ZNF280D: variants seen among roughly 807,000 people sequenced by gnomAD.
ZNF280D encodes the protein zinc finger protein 280D, also known as suppressor of hairy wing homolog 4.
A neutral mutation model predicts 94.7 loss-of-function variants in ZNF280D; 39 were observed. The ratio of observed to expected loss-of-function variants is 0.41; its 90% CI spans 0.32 to 0.54. The LOEUF is 0.54. Among genes scored for constraint, ZNF280D ranks in the 20% least tolerant of loss-of-function variants. The pLI is 0.22. For synonymous variants in ZNF280D, 398 were observed against 377.6 expected (o/e 1.05, Z -0.63); for missense variants, 1,090 against 1,149.3 (o/e 0.95, Z 0.75).
chr15:56,630,509 G>A lies in ZNF280D; in HGVS notation c.*989C>T, dbSNP rs534745980. On this transcript the variant is annotated 3_prime_UTR_variant, in exon 22 of 22. Coordinates refer to ENST00000267807, the MANE Select transcript of ZNF280D (RefSeq NM_017661.4). The stretch of plus-strand genomic sequence containing the variant: ...ATCACTGTTTTAGGTCCCATTTGAA[G>A]TTTTTATTTTACAATTACAGAAAAG... 14 of 152,146 alleles carry A rather than the reference G, an allele frequency of 9.2e-5. No individual in the cohort carries two copies. Among genetic ancestry groups the A allele is most frequent in the Admixed American group, 7.9e-4 (12 of 15,284 alleles). The allele number at this position is 152,146 out of a possible 1,614,324, so 9.4% of individuals were successfully genotyped here.
At chr15:56,647,187 G>A (rs1190891233) in intron 19 of ZNF280D, among the ~76,000 whole-genome samples, 1 of 152,204 alleles carries the variant, frequency 6.6e-6, no homozygotes, top group Admixed American at 6.5e-5. Flanking sequence ...CCAGTTAAGA[G>A]ACAGTTAATG....
intron 1 of ZNF280D, among the ~76,000 whole-genome samples, chr15:56,720,052 A>G (rs2058270125): frequency 6.6e-6 from 1 of 152,154 alleles, no homozygotes; most frequent in Admixed American, 6.5e-5. Flanking sequence ...AAATAAGACA[A>G]TGAAGCTTGG....
chr15:56,633,164 C>T (rs1269111698), intron 21 of ZNF280D, among the ~76,000 whole-genome samples: 2 of 152,096 alleles, frequency 1.3e-5, no homozygotes, highest in Non-Finnish European at 2.9e-5. Context: ...TTTAATCTGA[C>T]ATTTAGACGT....
intron 1 of ZNF280D, among the ~76,000 whole-genome samples, chr15:56,726,495 A>G (rs1567048310): frequency 1.3e-5 from 2 of 152,204 alleles, no homozygotes; most frequent in Non-Finnish European, 2.9e-5. Flanking sequence ...ATGTGGGTCT[A>G]TAACAGAATC....
At chr15:56,698,067 T>C (rs2056854325) in intron 6 of ZNF280D, 1 of 152,226 alleles carries the variant, frequency 6.6e-6, no homozygotes, top group Non-Finnish European at 1.5e-5. Context: ...GATATACTAC[T>C]TTGATACTAT....
chr15:56,729,223 T>A (rs1028786502), intron 1 of ZNF280D, among the ~76,000 whole-genome samples: 2 of 152,224 alleles, frequency 1.3e-5, no homozygotes, highest in South Asian at 2.1e-4. Context: ...ATATACGAAA[T>A]GACAGAAAAA....
intron 20 of ZNF280D, among the ~76,000 whole-genome samples, chr15:56,639,425 C>A (rs1256895994): frequency 6.6e-6 from 1 of 151,752 alleles, no homozygotes; most frequent in Non-Finnish European, 1.5e-5. Context: ...AAACTTCTCC[C>A]AAACAGAAAT....
At chr15:56,681,314 G>A (rs1345617765) in intron 10 of ZNF280D, among the ~76,000 whole-genome samples, 4 of 151,952 alleles carry the variant, frequency 2.6e-5, no homozygotes, top group Non-Finnish European at 5.9e-5. Flanking sequence ...AAACACAAAA[G>A]GCATACATAT....
chr15:56,635,243 G>T lies in ZNF280D; in HGVS notation c.2267C>A (p.Ala756Glu). Reference protein sequence around the residue: ...KEQEPVSKEIARPNMAERETE... With the variant: ...KEQEPVSKEIERPNMAERETE... ...TTCTCTTTCAGCCATGTTAGGTCTT[G>T]CAATTTCCTGAAATAATTAATAATA... Residue 756 changes from alanine to glutamate, a missense_variant, in exon 21 of 22, where the codon GCA becomes GAA. Transcript: ENST00000267807. 2 of 1,518,924 alleles carry T rather than the reference G, an allele frequency of 1.3e-6. No individual in the cohort carries two copies. The allele number at this position is 1,518,924 out of a possible 1,614,324, so 94.1% of individuals were successfully genotyped here. A position where few individuals can be genotyped will look rare whatever the true frequency, so the allele number is the denominator to read the frequency against.
chr15:56,691,580 TCCCTAC>T (rs1367970349), intron 7 of ZNF280D, among the ~76,000 whole-genome samples: 1 of 152,176 alleles, frequency 6.6e-6, no homozygotes, highest in African/African-American at 2.4e-5. Context: ...CTTGTGTTGC[TCCCTAC>T]CCTCAACAGC....
In ZNF280D at chr15:56,707,165, C is replaced by T; in HGVS notation, c.-41-15G>A. On this transcript the variant is annotated splice_polypyrimidine_tract_variant and intron_variant, in intron 2 of 21. Transcript: ENST00000267807. The stretch of plus-strand genomic sequence containing the variant: ...TCACCTAAGTACTGACACATGATAT[C>T]AGTCAATTTAATGAGTCACTTTAAG... 1 of 1,612,834 alleles carries T rather than the reference C, an allele frequency of 6.2e-7. No homozygotes were observed. The highest frequency in any genetic ancestry group is 8.5e-7 in the Non-Finnish European group (1 of 1,179,410).
At chr15:56,693,273 AT>A in intron 6 of ZNF280D, 58 bp from the exon 7 acceptor site, 33 of 471,270 alleles carry the variant, frequency 7.0e-5, no homozygotes, top group Non-Finnish European at 9.9e-5. Context: ...AATTATTTCA[AT>A]ATAATTATAT....
chr15:56,636,128 G>A (rs1333655609), intron 20 of ZNF280D, among the ~76,000 whole-genome samples: 1 of 152,002 alleles, frequency 6.6e-6, no homozygotes, highest in Non-Finnish European at 1.5e-5. Context: ...CAAGGGCAAA[G>A]AAATAAAATA....
chr15:56,632,760 A>G (rs1255253540), intron 21 of ZNF280D, among the ~76,000 whole-genome samples: 2 of 151,990 alleles, frequency 1.3e-5, no homozygotes, highest in African/African-American at 4.8e-5. Flanking sequence ...AAGGGCTGGG[A>G]TTACAGGTAT....
intron 19 of ZNF280D, chr15:56,653,258 A>G: frequency 1.7e-6 from 2 of 1,171,852 alleles, no homozygotes; most frequent in Non-Finnish European, 2.1e-6. Flanking sequence ...CTAAACTTCA[A>G]CTTGGATGCT....
At chr15:56,702,769 A>C (rs2057157771) in intron 4 of ZNF280D, among the ~76,000 whole-genome samples, 1 of 152,084 alleles carries the variant, frequency 6.6e-6, no homozygotes. Flanking sequence ...AGTATTGAAA[A>C]TTCGATTGGT....
At chr15:56,640,721 T>C (rs1448232493) in intron 20 of ZNF280D, among the ~76,000 whole-genome samples, 2 of 152,136 alleles carry the variant, frequency 1.3e-5, no homozygotes, top group African/African-American at 4.8e-5. Context: ...TAAGCTTCAT[T>C]TGCAGGATTC....
In ZNF280D at chr15:56,642,601, G is replaced by A. The variant is rs1486174785; in HGVS notation, c.2259+351C>T. ...ACCTTTTGACAGTTAAAATATCCCA[G>A]AAAATTAAACCTGGAAAGATTAATT... On this transcript the variant is annotated intron_variant, in intron 20 of 21. Coordinates refer to ENST00000267807, the MANE Select transcript of ZNF280D (RefSeq NM_017661.4). Among the ~76,000 whole-genome samples the A allele has an allele frequency of 3.3e-5, 5 of 151,590 alleles. No individual in the cohort carries two copies. The South Asian group carries it at 8.3e-4, about 25-fold the overall frequency.
At chr15:56,652,052 AAAC>A (rs2053238756) in intron 19 of ZNF280D, among the ~76,000 whole-genome samples, 1 of 94,182 alleles carries the variant, frequency 1.1e-5, no homozygotes, top group Admixed American at 1.0e-4. Context: ...AAAAAAAAAA[AAAC>A]AACTAGTATA....
Sources: allele counts gnomAD v4.1 joint callset (sites outside exome capture counted in the v4.1 genomes callset), GRCh38; gene constraint gnomAD v4.1.1; transcripts MANE v1.5; gene names NCBI Gene and HGNC (gene_info 2026-07-23, HGNC 2026-07-21).